DTNA: variants seen among roughly 807,000 people sequenced by gnomAD.
DTNA encodes dystrophin-related protein 3.
In DTNA, 43 loss-of-function variants were observed where a neutral mutation model predicts 100.7. The ratio of observed to expected loss-of-function variants is 0.43; its 90% CI spans 0.33 to 0.55. The LOEUF (loss-of-function observed/expected upper bound fraction) is 0.55. DTNA is among the 20% of genes least tolerant of loss of function. The pLI is 0.04. For missense variants in DTNA, 798 were observed against 953.9 expected, an observed-to-expected ratio of 0.84 and a Z score of 2.15; for synonymous variants, 349 against 347.9, an observed-to-expected ratio of 1.00 and a Z score of -0.04.
In DTNA at chr18:34,829,432, T is replaced by C. The variant is rs1272577370; in HGVS notation, c.1118T>C (p.Val373Ala). ...GAGGGAATAAGTGCATCCAGCCCTGTGGCTGAAGAGCATTCCCTCATAAAG... is the reference window on the plus strand; with the variant it reads ...GAGGGAATAAGTGCATCCAGCCCTGCGGCTGAAGAGCATTCCCTCATAAAG... ...LPEGISASSPVAEEHSLIKLY... is the reference protein window; with the variant it reads ...LPEGISASSPAAEEHSLIKLY... The change falls in exon 11 of 23, where the codon GTG becomes GCG. Residue 373 changes from valine (V) to alanine (A), a missense_variant. This residue lies in a region of DTNA where 159 missense variants were observed against 201.2 expected (regional missense o/e 0.79). Coordinates refer to ENST00000444659, the MANE Select transcript of DTNA (RefSeq NM_001386795.1). 6.5e-7 allele frequency: 1 copy of C among 1,534,944 alleles called. No homozygotes were observed. The highest frequency in any genetic ancestry group is 8.7e-7 in the Non-Finnish European group (1 of 1,146,366).
At chr18:34,515,679 T>C (rs2041531292) in intron 1 of DTNA, among the ~76,000 whole-genome samples, 3 of 152,144 alleles carry the variant, frequency 2.0e-5, no homozygotes. Context: ...TGTTCATTGC[T>C]TAATGTATCC....
chr18:34,868,930 C>G (rs1025987179), intron 17 of DTNA: 2 of 258,356 alleles, frequency 7.7e-6, no homozygotes, highest in Non-Finnish European at 1.2e-5. Flanking sequence ...AATTGCAGTA[C>G]CAATATGTTC....
chr18:34,559,438 G>C (rs2046433750), intron 1 of DTNA, among the ~76,000 whole-genome samples: 1 of 152,218 alleles, frequency 6.6e-6, no homozygotes, highest in South Asian at 2.1e-4. Context: ...ATTGAAATAT[G>C]AAAGCTGTGC....
chr18:34,762,405 G>A (rs189258525), intron 2 of DTNA, among the ~76,000 whole-genome samples: 98 of 152,270 alleles, frequency 6.4e-4, no homozygotes, highest in Non-Finnish European at 1.3e-3. Context: ...GGAGGAAGGC[G>A]TCTAGTAGTA....
At chr18:34,828,896 A>G in intron 10 of DTNA, 1 of 909,410 alleles carries the variant, frequency 1.1e-6, no homozygotes, top group Non-Finnish European at 1.8e-6. Context: ...TAAAATCTGT[A>G]AAAGACACAG....
intron 1 of DTNA, among the ~76,000 whole-genome samples, chr18:34,515,224 A>G (rs901376255): frequency 1.3e-5 from 2 of 152,038 alleles, no homozygotes; most frequent in African/African-American, 4.8e-5. Flanking sequence ...TTGGCTTGTT[A>G]GATGGCAAAC....
chr18:34,699,802 A>T (rs1463714578), intron 1 of DTNA, among the ~76,000 whole-genome samples: 5 of 152,360 alleles, frequency 3.3e-5, no homozygotes, highest in African/African-American at 1.2e-4. Flanking sequence ...TTGGTGAAAC[A>T]GACCCATCCA....
At chr18:34,863,861 C>G (rs2096661111) in intron 16 of DTNA, 105 bp from the exon 17 acceptor site, 1 of 1,091,540 alleles carries the variant, frequency 9.2e-7, no homozygotes, top group Non-Finnish European at 1.4e-6. Flanking sequence ...TGTCAGAGAC[C>G]CAGAGATGCC....
intron 1 of DTNA, among the ~76,000 whole-genome samples, chr18:34,728,300 T>C (rs1228850011): frequency 6.6e-6 from 1 of 152,148 alleles, no homozygotes; most frequent in Non-Finnish European, 1.5e-5. Flanking sequence ...AAGGCCCACT[T>C]CTTAGTTTAT....
intron 3 of DTNA, among the ~76,000 whole-genome samples, chr18:34,782,791 A>G (rs1435806528): frequency 6.6e-6 from 1 of 152,238 alleles, no homozygotes; most frequent in Non-Finnish European, 1.5e-5. Context: ...TTTCATGCTT[A>G]GCCTGTTGGG....
chr18:34,679,638 T>G (rs1255233690), intron 1 of DTNA: 2 of 152,186 alleles, frequency 1.3e-5, no homozygotes, highest in Non-Finnish European at 2.9e-5. Flanking sequence ...ATTGAACTGT[T>G]TCTCTTTAGA....
chr18:34,564,028 C>T (rs976475799), intron 1 of DTNA, among the ~76,000 whole-genome samples: 9 of 152,164 alleles, frequency 5.9e-5, no homozygotes, highest in African/African-American at 1.9e-4. Context: ...TTCAAGTATA[C>T]ACTACATTAT....
intron 3 of DTNA, among the ~76,000 whole-genome samples, chr18:34,781,374 C>G (rs1030582540): frequency 6.6e-6 from 1 of 152,138 alleles, no homozygotes; most frequent in African/African-American, 2.4e-5. Context: ...ATCTTACATA[C>G]TTATCATTTC....
At chr18:34,867,398 AGTCC>A in intron 17 of DTNA, 1 of 1,228,522 alleles carries the variant, frequency 8.1e-7, no homozygotes, top group East Asian at 3.2e-5. Flanking sequence ...AACAGAAGAC[AGTCC>A]CCCTGGGTGA....
In DTNA at chr18:34,879,697, A is replaced by G. The variant is rs764242924; in HGVS notation, c.2140A>G (p.Thr714Ala). ...KPGYIHSGAT[T>A]STMRGDMVTE... ...TGGGTACATTCACAGTGGAGCTACCACAAGTACCATGCGTGGCGACATGTG... is the reference window on the plus strand; with the variant it reads ...TGGGTACATTCACAGTGGAGCTACCGCAAGTACCATGCGTGGCGACATGTG... Residue 714 changes from threonine to alanine, a missense_variant, in exon 20 of 23, where the codon ACA (threonine) becomes GCA (alanine). This residue lies in a region of DTNA where 242 missense variants were observed against 238.2 expected (regional missense o/e 1.02). Transcript: ENST00000444659. The G allele has an allele frequency of 1.3e-5, 21 of 1,613,974 alleles. No homozygotes were observed. In the South Asian group the frequency reaches 1.9e-4, roughly 14 times the overall value.
chr18:34,833,898 G>A (rs548568110), intron 11 of DTNA, among the ~76,000 whole-genome samples: 1 of 152,184 alleles, frequency 6.6e-6, no homozygotes, highest in Non-Finnish European at 1.5e-5. Context: ...CTTTAATGAA[G>A]CTCAGTCTGG....
chr18:34,509,452 A>G (rs144658730), intron 1 of DTNA, among the ~76,000 whole-genome samples: 1 of 152,230 alleles, frequency 6.6e-6, no homozygotes, highest in Non-Finnish European at 1.5e-5. Context: ...AAAATGTGTC[A>G]GGTGATTTTT....
At chr18:34,551,587 A>G (rs2045424961) in intron 1 of DTNA, among the ~76,000 whole-genome samples, 1 of 152,124 alleles carries the variant, frequency 6.6e-6, no homozygotes, top group African/African-American at 2.4e-5. Context: ...TCATTGCTGC[A>G]TTGTTCCTCA....
At chr18:34,537,242 C>T (rs991749726) in intron 1 of DTNA, among the ~76,000 whole-genome samples, 3 of 152,012 alleles carry the variant, frequency 2.0e-5, no homozygotes, top group Non-Finnish European at 4.4e-5. Context: ...TAACTCAAAA[C>T]ATGACTACCT....
Sources: gnomAD v4.1 joint callset for allele counts (sites outside exome capture counted in the v4.1 genomes callset) on GRCh38, gnomAD v4.1.1 for gene constraint, gnomAD v4.1.1 regional missense constraint, MANE v1.5 for transcripts, NCBI Gene and HGNC (gene_info 2026-07-23, HGNC 2026-07-21) for gene names.